DHPS: variants seen among roughly 807,000 people sequenced by gnomAD.
DHPS encodes the protein deoxyhypusine synthase, also known as migration-inducing gene 13.
In DHPS, 24 loss-of-function variants were observed where a neutral mutation model predicts 38.7. The observed-to-expected ratio is 0.62, with a 90% CI of 0.45 to 0.87. DHPS has a LOEUF of 0.87. Among genes scored for constraint, DHPS ranks in the 40% least tolerant of loss-of-function variants. The pLI is 0.00. For missense variants in DHPS, 510 were observed against 497.6 expected, an observed-to-expected ratio of 1.02 and a Z score of -0.24; for synonymous variants, 250 against 204.4, an observed-to-expected ratio of 1.22 and a Z score of -1.90.
chr19:12,672,496 T>TA (rs1394572342), downstream of DHPS: 1 of 310,604 alleles, frequency 3.2e-6, no homozygotes, highest in Admixed American at 4.3e-5. Context: ...TATTCCCATC[T>TA]ACTCGGGAGG....
chr19:12,681,323 C>A, intron 1 of DHPS: 1 of 1,113,848 alleles, frequency 9.0e-7, no homozygotes, highest in Non-Finnish European at 1.2e-6. Context: ...CGCCCCCACA[C>A]CAAGAATCAG....
Position 12,680,343 on chromosome 19 carries a change from G to A in DHPS, c.208-18C>T, listed in dbSNP as rs1471536408. ...TTCTCGATCTGTGAGTAAGGGCCAA[G>A]TCAAGTTAAGCACTGGCCTTAAATC... On this transcript the variant is annotated intron_variant, in intron 1 of 8. Transcript: ENST00000210060. 6.2e-7 allele frequency: 1 copy of A among 1,613,924 alleles called. No individual in the cohort carries two copies.
rs1037559189 is a variant in DHPS, at chr19:12,676,298, T to C, written c.889-156A>G. On this transcript the variant is annotated intron_variant, in intron 7 of 8. Transcript: ENST00000210060. ...CCCAGACAGGGCCCATGTCAATGTC[T>C]GGGGTCACTAGAGCTGCTGGGCAAC... is the stretch of plus-strand genomic sequence containing the variant. The C allele has an allele frequency of 3.5e-5, 34 of 981,702 alleles. No homozygotes were observed. In the Admixed American group the frequency reaches 1.0e-3, roughly 29 times the overall value. The allele number at this position is 981,702 out of a possible 1,614,324, so 60.8% of individuals were successfully genotyped here. A position where few individuals can be genotyped will look rare whatever the true frequency, so the allele number is the denominator to read the frequency against.
intron 1 of DHPS, chr19:12,680,916 C>CTCCA (rs1299685356): frequency 4.3e-6 from 1 of 231,634 alleles, no homozygotes; most frequent in Non-Finnish European, 8.7e-6. Flanking sequence ...TCACTGCAAC[C>CTCCA]TCCACCTCGC....
chr19:12,675,388 A>G (rs1312722562), downstream of DHPS: 1 of 1,259,814 alleles, frequency 7.9e-7, no homozygotes. Flanking sequence ...GGAGGCAATT[A>G]GAGGCAGGTG....
chr19:12,673,026 G>A, downstream of DHPS: 1 of 1,613,514 alleles, frequency 6.2e-7, no homozygotes, highest in South Asian at 1.1e-5. Context: ...ACCTGCACCT[G>A]CTTCAGCCGG....
chr19:12,681,402 A>G (rs1209116661), intron 1 of DHPS, 158 bp downstream of exon 1: 3 of 1,065,270 alleles, frequency 2.8e-6, no homozygotes, highest in Middle Eastern at 2.6e-4. Context: ...CCCAGGACAG[A>G]AACTCCCGCC....
chr19:12,680,346 A>C (rs1163641533), intron 1 of DHPS, 21 bp from the exon 2 acceptor site: 1 of 1,613,706 alleles, frequency 6.2e-7, no homozygotes, highest in Non-Finnish European at 8.5e-7. Flanking sequence ...GGGCCAAGTC[A>C]AGTTAAGCAC....
At chr19:12,676,510 C>A (rs1047107883) in intron 7 of DHPS, 1 of 239,806 alleles carries the variant, frequency 4.2e-6, no homozygotes. Context: ...ATCTGTTCAC[C>A]ACATGGCCAC....
At position 12,677,328 on chromosome 19, in the gene DHPS, G is replaced by C. The variant is rs780219273; in HGVS notation, c.747C>G (p.Ser249=). 5.6e-6 allele frequency: 9 copies of C among 1,614,050 alleles called. No individual in the cohort carries two copies. In the Admixed American group the frequency reaches 1.5e-4, roughly 27 times the overall value. The change falls in exon 6 of 9, where the codon TCC becomes TCG. Residue 249 remains serine (S), a synonymous_variant. Coordinates refer to ENST00000210060, the MANE Select transcript of DHPS (RefSeq NM_001930.4). The stretch of plus-strand genomic sequence containing the variant: ...CCAGGACCAGGCCCGGGTTCTTGTA[G>C]GAATGGAAGAAGATCATGTCGCCCA... ...GSLGDMIFFH[S]YKNPGLVLDI... is the part of the protein sequence containing the mutation.
chr19:12,675,503 C>G (rs1413363313), downstream of DHPS: 3 of 1,600,550 alleles, frequency 1.9e-6, no homozygotes, highest in Non-Finnish European at 2.5e-6. Context: ...GATAACCACT[C>G]CCTACCCCTC....
At chr19:12,678,392 A>C (rs1056288544) in intron 5 of DHPS, among the ~76,000 whole-genome samples, 1 of 152,120 alleles carries the variant, frequency 6.6e-6, no homozygotes, top group Non-Finnish European at 1.5e-5. Context: ...GACTGAGCCC[A>C]GAAGCTCAAG....
At chr19:12,681,481 A>G in intron 1 of DHPS, 79 bp downstream of exon 1, 1 of 1,520,876 alleles carries the variant, frequency 6.6e-7, no homozygotes, top group South Asian at 1.1e-5. Context: ...TCCACTGGAA[A>G]CGCTGCCCCC....
Position 12,681,431 on chromosome 19 carries a change from C to G in DHPS, c.207+129G>C, listed in dbSNP as rs968375829. 2.5e-6 allele frequency: 3 copies of G among 1,197,038 alleles called. No individual in the cohort carries two copies. In the Admixed American group the frequency reaches 7.0e-5, roughly 28 times the overall value. 74.2% of individuals were successfully genotyped at this position (1,197,038 alleles called of 1,614,324 possible). On this transcript the variant is annotated intron_variant, in intron 1 of 8. Transcript: ENST00000210060. ...TCCCGCCCAGAATAGGTCCCGCCTT[C>G]CTCCAACTATTGGGCAACTCAAATA... is the stretch of plus-strand genomic sequence containing the variant.
At chr19:12,677,660 G>A (rs2024659504) in intron 5 of DHPS, among the ~76,000 whole-genome samples, 1 of 151,820 alleles carries the variant, frequency 6.6e-6, no homozygotes, top group South Asian at 2.1e-4. Flanking sequence ...TCCCTGAGAC[G>A]GAGTTTCACT....
In DHPS at chr19:12,675,936, G is replaced by A. The variant is rs755249975; in HGVS notation, c.1015-3C>T. 1.9e-6 allele frequency: 3 copies of A among 1,604,420 alleles called. No individual in the cohort carries two copies. The Admixed American group carries it at 5.1e-5, about 27-fold the overall frequency. On this transcript the variant is annotated splice_polypyrimidine_tract_variant and splice_region_variant and intron_variant, in intron 8 of 8. Coordinates refer to ENST00000210060, the MANE Select transcript of DHPS (RefSeq NM_001930.4). ...ACCAGGGAGGCGTCAGCATAGACCT[G>A]GGTAGGGGGGAACCTGGGTAAGCCA...
chr19:12,673,062 G>C, downstream of DHPS: 1 of 1,613,716 alleles, frequency 6.2e-7, no homozygotes, highest in East Asian at 2.2e-5. Context: ...CTGGTGTCCA[G>C]CCTGGACTCC....
At chr19:12,677,814 GT>G (rs1467623010) in intron 5 of DHPS, among the ~76,000 whole-genome samples, 1 of 151,698 alleles carries the variant, frequency 6.6e-6, no homozygotes, top group Non-Finnish European at 1.5e-5. Flanking sequence ...TTTGCATTTT[GT>G]TTTTTTAGTA....
At chr19:12,673,466 A>G, downstream of DHPS, 1 of 587,938 alleles carries the variant, frequency 1.7e-6, no homozygotes, top group Non-Finnish European at 2.8e-6. Flanking sequence ...CGCCCAGGCT[A>G]GAGTGCAGTG....
Sources: allele counts gnomAD v4.1 joint callset (sites outside exome capture counted in the v4.1 genomes callset), GRCh38; gene constraint gnomAD v4.1.1; transcripts MANE v1.5; gene names NCBI Gene and HGNC (gene_info 2026-07-23, HGNC 2026-07-21).